Variants in SLCO5A1 observed in about 807,000 individuals in gnomAD.
SLCO5A1 encodes solute carrier organic anion transporter family member 5A1, also known as organic anion transporter polypeptide-related protein 4.
A neutral mutation model predicts 65.1 loss-of-function variants in SLCO5A1; 39 were observed. The observed-to-expected ratio is 0.60, with a 90% CI of 0.46 to 0.78. The LOEUF is 0.78. Among genes scored for constraint, SLCO5A1 ranks in the 30% least tolerant of loss-of-function variants. SLCO5A1 has a pLI of 0.00. For synonymous variants in SLCO5A1, 438 were observed against 415.7 expected, an observed-to-expected ratio of 1.05 and a Z score of -0.65; for missense variants, 1,029 against 1,069.4, an observed-to-expected ratio of 0.96 and a Z score of 0.53.
chr8:69,683,135 T>G (rs911118423), intron 6 of SLCO5A1, among the ~76,000 whole-genome samples: 9 of 152,104 alleles, frequency 5.9e-5, no homozygotes, highest in Non-Finnish European at 1.3e-4. Flanking sequence ...GATATAGGCC[T>G]GGGGAGAAGA....
intron 2 of SLCO5A1, among the ~76,000 whole-genome samples, chr8:69,765,172 A>G (rs1817999686): frequency 6.6e-6 from 1 of 152,082 alleles, no homozygotes; most frequent in Non-Finnish European, 1.5e-5. Context: ...GTGTATGTAT[A>G]TGTATGTATA....
intron 4 of SLCO5A1, among the ~76,000 whole-genome samples, chr8:69,755,211 A>G (rs1388141086): frequency 6.6e-6 from 1 of 152,234 alleles, no homozygotes; most frequent in Non-Finnish European, 1.5e-5. Context: ...TTTAAATAAC[A>G]TACAAAATAT....
At position 69,679,479 on chromosome 8, in the gene SLCO5A1, A is replaced by G; in HGVS notation, c.1923T>C (p.Cys641=). The part of the protein sequence containing the change: ...NENGYAVSGK[C]KRTCNTLIPF... ...GGATAAGAGTATTGCAGGTCCGTTT[A>G]CATTTCCCAGACACAGCATAGCCGT... Residue 641 remains cysteine (C), a synonymous_variant, in exon 8 of 10, where the codon TGT becomes TGC. Coordinates refer to ENST00000260126, the MANE Select transcript of SLCO5A1 (RefSeq NM_030958.3). 6.2e-7 allele frequency: 1 copy of G among 1,614,256 alleles called. No homozygotes were observed. Among genetic ancestry groups the G allele is most frequent in the Non-Finnish European group, 8.5e-7 (1 of 1,180,040 alleles).
intron 2 of SLCO5A1, among the ~76,000 whole-genome samples, chr8:69,793,664 G>A (rs1273439510): frequency 1.3e-5 from 2 of 152,064 alleles, no homozygotes; most frequent in Admixed American, 1.3e-4. Context: ...CATAATCCCA[G>A]CTACTTGGGA....
chr8:69,775,218 G>A (rs2130877474), intron 2 of SLCO5A1, among the ~76,000 whole-genome samples: 1 of 152,278 alleles, frequency 6.6e-6, no homozygotes, highest in Non-Finnish European at 1.5e-5. Flanking sequence ...ATCATTGGTT[G>A]TAATTCACTA....
chr8:69,831,754 A>C lies in SLCO5A1; in HGVS notation c.907+13T>G. 6.2e-7 allele frequency: 1 copy of C among 1,605,082 alleles called. No homozygotes were observed. Among genetic ancestry groups the C allele is most frequent in the South Asian group, 1.1e-5 (1 of 88,926 alleles). On this transcript the variant is annotated intron_variant, in intron 2 of 9. Transcript: ENST00000260126. ...GTGAGTGAAACATATCTGAGAGAAC[A>C]GGAAAGTCTTACCTAGGTACAAGGA... is the stretch of plus-strand genomic sequence containing the variant.
At chr8:69,774,230 T>A (rs1818466515) in intron 2 of SLCO5A1, among the ~76,000 whole-genome samples, 1 of 152,212 alleles carries the variant, frequency 6.6e-6, no homozygotes, top group Non-Finnish European at 1.5e-5. Context: ...TGAAGAATCA[T>A]CCATAGGCTC....
At chr8:69,786,068 T>C (rs920544972) in intron 2 of SLCO5A1, among the ~76,000 whole-genome samples, 3 of 152,226 alleles carry the variant, frequency 2.0e-5, no homozygotes, top group African/African-American at 7.2e-5. Flanking sequence ...TTAATTCTGA[T>C]GCCTGACCAC....
chr8:69,689,683 G>A (rs551011731), intron 6 of SLCO5A1, among the ~76,000 whole-genome samples: 1 of 145,738 alleles, frequency 6.9e-6, no homozygotes, highest in Non-Finnish European at 1.5e-5. Flanking sequence ...GCTCTGTTCT[G>A]TTCCATTGAT....
At chr8:69,717,017 C>A (rs1235164979) in intron 5 of SLCO5A1, among the ~76,000 whole-genome samples, 1 of 152,172 alleles carries the variant, frequency 6.6e-6, no homozygotes, top group Non-Finnish European at 1.5e-5. Context: ...TGGGCTCAAG[C>A]AACCCTCCTG....
At chr8:69,773,367 G>T (rs189190660) in intron 2 of SLCO5A1, among the ~76,000 whole-genome samples, 2 of 152,322 alleles carry the variant, frequency 1.3e-5, no homozygotes, top group Admixed American at 6.5e-5. Context: ...TTGAGGGCAG[G>T]CTCCAGCATC....
chr8:69,821,053 T>C (rs1820614280), intron 2 of SLCO5A1, among the ~76,000 whole-genome samples: 1 of 152,188 alleles, frequency 6.6e-6, no homozygotes, highest in African/African-American at 2.4e-5. Context: ...CCCTTCTCTG[T>C]CATGTGAAGC....
chr8:69,758,443 G>C (rs913274159), intron 3 of SLCO5A1, among the ~76,000 whole-genome samples: 7 of 152,046 alleles, frequency 4.6e-5, no homozygotes, highest in African/African-American at 1.7e-4. Context: ...GCTTCCCAAA[G>C]TGCTGGGATT....
At chr8:69,818,378 G>C (rs1336491127) in intron 2 of SLCO5A1, among the ~76,000 whole-genome samples, 3 of 152,196 alleles carry the variant, frequency 2.0e-5, no homozygotes, top group Non-Finnish European at 4.4e-5. Context: ...TCCCCTGGGA[G>C]CATATTAGAA....
At chr8:69,805,002 C>A (rs1487507889) in intron 2 of SLCO5A1, among the ~76,000 whole-genome samples, 1 of 152,116 alleles carries the variant, frequency 6.6e-6, no homozygotes, top group African/African-American at 2.4e-5. Flanking sequence ...CAGGTGTTAA[C>A]TCCTTCCTCT....
chr8:69,833,972 A>AGC (rs1479523327), intron 1 of SLCO5A1: 1 of 152,426 alleles, frequency 6.6e-6, no homozygotes, highest in Non-Finnish European at 1.5e-5. Flanking sequence ...GCTGTCAGAG[A>AGC]GCGCGCGAGG....
intron 2 of SLCO5A1, among the ~76,000 whole-genome samples, chr8:69,784,863 G>GAAAGAAA (rs71275014): frequency 3.9e-4 from 34 of 87,864 alleles, no homozygotes; most frequent in African/African-American, 1.5e-3. Flanking sequence ...AAGAAAGAAA[G>GAAAGAAA]GGAAGGAAGG....
Position 69,672,923 on chromosome 8 carries a change from G to A in SLCO5A1, c.2493C>T (p.Ser831=). ...YPGPFPEAIS[S]SADPGLEESP... ...TCTCTTCCAGCCCCGGGTCCGCAGA[G>A]GAACTTATTGCTTCTGGGAAGGGCC... The change falls in exon 10 of 10, where the codon TCC becomes TCT. Residue 831 remains serine (S), a synonymous_variant. Coordinates refer to ENST00000260126, the MANE Select transcript of SLCO5A1 (RefSeq NM_030958.3). The A allele has an allele frequency of 5.6e-6, 9 of 1,614,232 alleles. No homozygotes were observed. The highest frequency in any genetic ancestry group is 2.7e-5 in the African/African-American group (2 of 75,074).
At chr8:69,828,618 A>T (rs927811913) in intron 2 of SLCO5A1, among the ~76,000 whole-genome samples, 1 of 151,922 alleles carries the variant, frequency 6.6e-6, no homozygotes, top group Admixed American at 6.6e-5. Context: ...AAAAGAAAAG[A>T]AAAGAAAAGA....
Sources: gnomAD v4.1 joint callset for allele counts (sites outside exome capture counted in the v4.1 genomes callset) on GRCh38, gnomAD v4.1.1 for gene constraint, MANE v1.5 for transcripts, NCBI Gene and HGNC (gene_info 2026-07-23, HGNC 2026-07-21) for gene names.